NUDCD3: variants seen among roughly 807,000 people sequenced by gnomAD.
The protein encoded by NUDCD3 is NudC domain containing 3.
In NUDCD3, 13 loss-of-function variants were observed where a neutral mutation model predicts 39.7. The observed-to-expected ratio is 0.33, with a 90% CI of 0.21 to 0.52. NUDCD3 has a LOEUF of 0.52. NUDCD3 is among the 20% of genes least tolerant of loss of function. The pLI is 0.96. For missense variants in NUDCD3, 453 were observed against 458.1 expected, an observed-to-expected ratio of 0.99 and a Z score of 0.10; for synonymous variants, 175 against 172.4, an observed-to-expected ratio of 1.02 and a Z score of -0.12.
chr7:44,454,866 C>T (rs988771346), intron 2 of NUDCD3, among the ~76,000 whole-genome samples: 37 of 151,632 alleles, frequency 2.4e-4, no homozygotes, highest in African/African-American at 8.7e-4. Flanking sequence ...CCCAGGAGGT[C>T]GAGGCTGCAG....
chr7:44,471,890 G>GTC (rs1270878223), intron 2 of NUDCD3: 1 of 152,292 alleles, frequency 6.6e-6, no homozygotes, highest in African/African-American at 2.4e-5. Context: ...TCTCAGGTTT[G>GTC]TCTCCTCCAT....
chr7:44,481,578 A>G (rs139233160), intron 2 of NUDCD3: 225 of 152,380 alleles, frequency 1.5e-3, no homozygotes, highest in African/African-American at 5.2e-3. Flanking sequence ...ACTGTAACTT[A>G]GCCAAACTGA....
intron 4 of NUDCD3, among the ~76,000 whole-genome samples, chr7:44,399,648 C>A (rs1798684785): frequency 6.6e-6 from 1 of 152,130 alleles, no homozygotes; most frequent in African/African-American, 2.4e-5. Flanking sequence ...ATGAAAAGCC[C>A]ACTGTTGGTG....
intron 1 of NUDCD3, 155 bp downstream of exon 1, chr7:44,490,254 C>A: frequency 1.4e-6 from 1 of 706,900 alleles, no homozygotes; most frequent in East Asian, 2.9e-5. Flanking sequence ...GACATCCAAT[C>A]CGCGCTTCAA....
Position 44,399,688 on chromosome 7 carries a change from C to T in NUDCD3, c.786+4752G>A, listed in dbSNP as rs118125120. 3.8e-3 allele frequency among the ~76,000 whole-genome samples: 573 copies of T among 152,266 alleles called. 3 individuals are homozygous for T. Among genetic ancestry groups the T allele is most frequent in the South Asian group, 7.9e-3 (38 of 4,810 alleles). On this transcript the variant is annotated intron_variant, in intron 4 of 5. Transcript: ENST00000355451. ...TGTGGGGATATAGGGCTAATGTCAT[C>T]GGCGACACTCCAGAAACAACTCATC... is the stretch of plus-strand genomic sequence containing the variant.
At chr7:44,472,573 T>TG (rs1800276257) in intron 2 of NUDCD3, among the ~76,000 whole-genome samples, 2 of 152,200 alleles carry the variant, frequency 1.3e-5, no homozygotes, top group Admixed American at 1.3e-4. Flanking sequence ...GAGAAAAGTC[T>TG]GGGGGTAAAA....
intron 4 of NUDCD3, among the ~76,000 whole-genome samples, chr7:44,397,542 C>T (rs1464413938): frequency 6.6e-6 from 1 of 152,180 alleles, no homozygotes; most frequent in Non-Finnish European, 1.5e-5. Flanking sequence ...ATGGTTTTGC[C>T]TTGCATTCCC....
rs1406999438 is a variant in NUDCD3, at chr7:44,385,401, G to A, written c.*610C>T. 1.3e-5 allele frequency: 2 copies of A among 152,296 alleles called. No homozygotes were observed. The highest frequency in any genetic ancestry group is 2.9e-5 in the Non-Finnish European group (2 of 68,176). 9.4% of individuals were successfully genotyped at this position (152,296 alleles called of 1,614,324 possible). A position where few individuals can be genotyped will look rare whatever the true frequency, so the allele number is the denominator to read the frequency against. On this transcript the variant is annotated 3_prime_UTR_variant, in exon 6 of 6. Transcript: ENST00000355451. Reference sequence around the variant, plus strand: ...CGAACAACTAGAACGTGCAAACAGGGCTCCAGTCTCCACTGCTCTGACCAT... The same window carrying A: ...CGAACAACTAGAACGTGCAAACAGGACTCCAGTCTCCACTGCTCTGACCAT...
chr7:44,433,573 C>T (rs1413106742), intron 2 of NUDCD3, among the ~76,000 whole-genome samples: 3 of 152,040 alleles, frequency 2.0e-5, no homozygotes, highest in South Asian at 2.1e-4. Context: ...TGTGCATATG[C>T]GTGCATAAGG....
At chr7:44,464,607 C>G (rs1433336013) in intron 2 of NUDCD3, among the ~76,000 whole-genome samples, 1 of 152,130 alleles carries the variant, frequency 6.6e-6, no homozygotes, top group Non-Finnish European at 1.5e-5. Context: ...GCATGTACCA[C>G]CAAACCCAGC....
intron 2 of NUDCD3, among the ~76,000 whole-genome samples, chr7:44,450,559 A>G (rs1205987532): frequency 6.6e-6 from 1 of 152,036 alleles, no homozygotes; most frequent in Non-Finnish European, 1.5e-5. Flanking sequence ...TGGGAGGCTG[A>G]GGCAGGAGGA....
intron 2 of NUDCD3, among the ~76,000 whole-genome samples, chr7:44,463,126 C>T (rs1401875955): frequency 6.6e-6 from 1 of 152,166 alleles, no homozygotes; most frequent in Non-Finnish European, 1.5e-5. Flanking sequence ...GTCTTGACCC[C>T]GATAGGGTCA....
chr7:44,488,013 C>T (rs944452148), intron 1 of NUDCD3, among the ~76,000 whole-genome samples: 2 of 151,250 alleles, frequency 1.3e-5, no homozygotes, highest in Non-Finnish European at 3.0e-5. Context: ...CCTGATCTAC[C>T]CAACCAAAAT....
rs112124978 is a variant in NUDCD3 at position 44,385,266 on chromosome 7, C to G, written c.*745G>C. ...GGGGAGCCAAGCACAGCATGCCATG[C>G]GTGGTGGCCGGGCTTGGTTCACTTC... is the stretch of plus-strand genomic sequence containing the variant. On this transcript the variant is annotated 3_prime_UTR_variant, in exon 6 of 6. Coordinates refer to ENST00000355451, the MANE Select transcript of NUDCD3 (RefSeq NM_015332.4). 6.6e-6 allele frequency: 1 copy of G among 152,186 alleles called. No individual in the cohort carries two copies. Among genetic ancestry groups the G allele is most frequent in the African/African-American group, 2.4e-5 (1 of 41,428 alleles). The allele number at this position is 152,186 out of a possible 1,614,324, so 9.4% of individuals were successfully genotyped here.
chr7:44,403,658 A>C (rs780824923), intron 4 of NUDCD3, among the ~76,000 whole-genome samples: 2 of 152,252 alleles, frequency 1.3e-5, no homozygotes, highest in Non-Finnish European at 2.9e-5. Flanking sequence ...AAGCCTGCCA[A>C]GCATGTCTTA....
intron 2 of NUDCD3, among the ~76,000 whole-genome samples, chr7:44,444,262 T>C (rs968222811): frequency 3.3e-5 from 5 of 152,110 alleles, no homozygotes; most frequent in African/African-American, 4.8e-5. Flanking sequence ...CCTTGGCCTG[T>C]AAATCTAAAA....
In NUDCD3 at chr7:44,481,582, A is replaced by G. The variant is rs553411975; in HGVS notation, c.509+3386T>C. ...GAATAACCAGGACTGTAACTTAGCC[A>G]AACTGACAAATGAAACTGACCATCA... On this transcript the variant is annotated intron_variant, in intron 2 of 5. Coordinates refer to ENST00000355451, the MANE Select transcript of NUDCD3 (RefSeq NM_015332.4). 3.9e-5 allele frequency: 6 copies of G among 152,398 alleles called. No homozygotes were observed. The South Asian group carries it at 1.2e-3, about 32-fold the overall frequency. The allele number at this position is 152,398 out of a possible 1,614,324, so 9.4% of individuals were successfully genotyped here.
At chr7:44,441,470 A>T (rs1335752193) in intron 2 of NUDCD3, among the ~76,000 whole-genome samples, 2 of 152,166 alleles carry the variant, frequency 1.3e-5, no homozygotes, top group Non-Finnish European at 2.9e-5. Context: ...TCCCGCCAAC[A>T]ATAGCACCAA....
intron 3 of NUDCD3, among the ~76,000 whole-genome samples, chr7:44,425,216 G>A (rs542248836): frequency 2.3e-4 from 35 of 152,030 alleles, no homozygotes; most frequent in Admixed American, 6.6e-4. Flanking sequence ...CCTAGATGAC[G>A]GGTTGATAGG....
Sources: gnomAD v4.1 joint callset for allele counts (sites outside exome capture counted in the v4.1 genomes callset) on GRCh38, gnomAD v4.1.1 for gene constraint, MANE v1.5 for transcripts, NCBI Gene and HGNC (gene_info 2026-07-23, HGNC 2026-07-21) for gene names.